The following GALNT16 variants were observed in gnomAD, a reference collection of about 807,000 sequenced individuals.
GALNT16 encodes the protein polypeptide N-acetylgalactosaminyltransferase 16, also known as UDP-GalNAc:polypeptide N-acetylgalactosaminyltransferase-like protein 1.
GALNT16 carries 40 observed loss-of-function variants against 76.1 expected under a neutral mutation model. That is an observed-to-expected ratio of 0.53 (90% confidence interval 0.41 to 0.68). The LOEUF (loss-of-function observed/expected upper bound fraction) is 0.68. Among genes scored for constraint, GALNT16 ranks in the 30% least tolerant of loss-of-function variants. The pLI is 0.00. For missense variants in GALNT16, 621 were observed against 731.9 expected (o/e 0.85, Z 1.75); for synonymous variants, 276 against 285.2 (o/e 0.97, Z 0.32).
At chr14:69,366,301 T>C in the GALNT16 span, among the ~76,000 whole-genome samples, 1 of 152,068 alleles carries the variant, frequency 6.6e-6, no homozygotes, top group Admixed American at 6.6e-5. Context: ...CCTCCCTACC[T>C]ATCCAGTTGC....
chr14:69,341,171 T>G lies in GALNT16; in HGVS notation c.1188-510T>G, dbSNP rs75823089. 5.4e-3 allele frequency among the ~76,000 whole-genome samples: 823 copies of G among 152,268 alleles called. 8 individuals carry two copies. The highest frequency in any genetic ancestry group is 0.019 in the African/African-American group (778 of 41,534). ...AATGTAGAGGAAACTGAGGCTCAGA[T>G]AGCTGGTGACGAGGGCCGTCAACCA... On this transcript the variant is annotated intron_variant, in intron 11 of 14. Coordinates refer to ENST00000448469, the MANE Select transcript of GALNT16 (RefSeq NM_001168368.2).
chr14:69,320,227 G>A (rs2045157683), intron 1 of GALNT16, among the ~76,000 whole-genome samples: 2 of 152,244 alleles, frequency 1.3e-5, no homozygotes, highest in African/African-American at 4.8e-5. Context: ...GGGCGCGGTG[G>A]CGCATGCCTG....
intron 2 of GALNT16, among the ~76,000 whole-genome samples, chr14:69,321,388 A>C (rs993177195): frequency 6.6e-6 from 1 of 151,986 alleles, no homozygotes; most frequent in Middle Eastern, 3.4e-3. Flanking sequence ...GGAAGCCTCC[A>C]CTCTCATCCC....
the GALNT16 span, among the ~76,000 whole-genome samples, chr14:69,374,539 T>C: frequency 6.6e-6 from 1 of 152,168 alleles, no homozygotes; most frequent in African/African-American, 2.4e-5. Context: ...ACCTGGAAGT[T>C]TGTTAAAATT....
the GALNT16 span, among the ~76,000 whole-genome samples, chr14:69,363,219 G>T: frequency 6.6e-6 from 1 of 152,170 alleles, no homozygotes; most frequent in Non-Finnish European, 1.5e-5. Flanking sequence ...TGTGGGGGCC[G>T]TAGAGCACGC....
At position 69,324,784 on chromosome 14, in the gene GALNT16, T is replaced by C. The variant is rs1482847803; in HGVS notation, c.428T>C (p.Val143Ala). The change falls in exon 3 of 15, where the codon GTG becomes GCG. Residue 143 changes from valine (V) to alanine (A), a missense_variant. Coordinates refer to ENST00000448469, the MANE Select transcript of GALNT16 (RefSeq NM_001168368.2). ...GCCCGTTCCACCCTGCTGCGCACAG[T>C]GAAGAGGTAAGTCCAGCCATGGGAC... ...NEARSTLLRT[V>A]KSVLNRTPAN... 6.2e-7 allele frequency: 1 copy of C among 1,602,274 alleles called. No homozygotes were observed. Among genetic ancestry groups the C allele is most frequent in the South Asian group, 1.1e-5 (1 of 89,690 alleles).
intron 1 of GALNT16, among the ~76,000 whole-genome samples, chr14:69,305,523 T>G (rs2044920705): frequency 6.6e-6 from 1 of 152,164 alleles, no homozygotes. Flanking sequence ...ATATTGAGCA[T>G]TTTTTCATAT....
rs543999586 is a variant in GALNT16 at position 69,352,969 on chromosome 14, C to T, written c.*801C>T. 4.6e-5 allele frequency among the ~76,000 whole-genome samples: 7 copies of T among 152,202 alleles called. No homozygotes were observed. The highest frequency in any genetic ancestry group is 2.1e-4 in the South Asian group (1 of 4,816). On this transcript the variant is annotated 3_prime_UTR_variant, in exon 15 of 15. Transcript: ENST00000448469. ...AGGGATCTTTAGGGGAAGATTCGGG[C>T]GTAGTTTATTAAACAGACTCCACTT...
rs28709566 is a variant in GALNT16 at position 69,263,901 on chromosome 14, C to T, written c.177+3434C>T. Among the ~76,000 whole-genome samples, 813 of 152,282 alleles carry T rather than the reference C, an allele frequency of 5.3e-3. 6 individuals are homozygous for T. The highest frequency in any genetic ancestry group is 0.018 in the African/African-American group (761 of 41,550). The stretch of plus-strand genomic sequence containing the variant: ...TTTTTCCATGCTGTACCCGATGCAG[C>T]GAGGCAGTAGATTTGGGGACATCCC... On this transcript the variant is annotated intron_variant, in intron 1 of 14. Transcript: ENST00000448469.
chr14:69,269,202 T>C (rs931358029), intron 1 of GALNT16, among the ~76,000 whole-genome samples: 1 of 152,156 alleles, frequency 6.6e-6, no homozygotes, highest in Non-Finnish European at 1.5e-5. Flanking sequence ...GAGGTAAGTG[T>C]AGGTTCGTTG....
At chr14:69,290,297 C>T (rs2044672922) in intron 1 of GALNT16, among the ~76,000 whole-genome samples, 1 of 152,138 alleles carries the variant, frequency 6.6e-6, no homozygotes, top group Non-Finnish European at 1.5e-5. Flanking sequence ...TATGGTGTTC[C>T]CAGGAGAAGG....
intron 1 of GALNT16, among the ~76,000 whole-genome samples, chr14:69,264,049 T>C (rs952238792): frequency 1.3e-5 from 2 of 152,194 alleles, no homozygotes; most frequent in African/African-American, 4.8e-5. Flanking sequence ...TTGTTTTGGT[T>C]TGGGACTTAG....
chr14:69,274,490 G>A (rs1021677529), intron 1 of GALNT16, among the ~76,000 whole-genome samples: 1 of 152,160 alleles, frequency 6.6e-6, no homozygotes, highest in Non-Finnish European at 1.5e-5. Context: ...AGGACTGAAG[G>A]TGTTTCTCTC....
intron 1 of GALNT16, among the ~76,000 whole-genome samples, chr14:69,296,779 TGATAG>T (rs766974423): frequency 0.02 from 2,879 of 141,328 alleles, 39 homozygotes; most frequent in East Asian, 0.033. Flanking sequence ...GACAGATAGA[TGATAG>T]AGATAGACAG....
the GALNT16 span, among the ~76,000 whole-genome samples, chr14:69,386,127 C>A: frequency 6.6e-6 from 1 of 152,134 alleles, no homozygotes; most frequent in Admixed American, 6.5e-5. Context: ...AACCGGAACA[C>A]AATGAAGAGG....
intron 1 of GALNT16, 107 bp downstream of exon 1, chr14:69,260,574 T>C: frequency 1.4e-6 from 1 of 731,542 alleles, no homozygotes; most frequent in African/African-American, 1.9e-5. Context: ...GAGTGCCCGC[T>C]GCGCCGGGCC....
intron 1 of GALNT16, among the ~76,000 whole-genome samples, chr14:69,281,556 T>G (rs2044541664): frequency 6.6e-6 from 1 of 152,182 alleles, no homozygotes; most frequent in Admixed American, 6.5e-5. Context: ...CTCCCCGCTT[T>G]CAATGTTCTG....
chr14:69,292,234 A>T (rs116518592), intron 1 of GALNT16, among the ~76,000 whole-genome samples: 1,995 of 152,372 alleles, frequency 0.013, 46 homozygotes, highest in African/African-American at 0.046. Flanking sequence ...AAGGCCACAC[A>T]GCTAGTGAGT....
chr14:69,339,933 G>A (rs1327548806), intron 11 of GALNT16, among the ~76,000 whole-genome samples: 1 of 152,216 alleles, frequency 6.6e-6, no homozygotes, highest in Non-Finnish European at 1.5e-5. Flanking sequence ...AGCATTTGGG[G>A]TTCTGCCTCC....
Sources: gnomAD v4.1 joint callset for allele counts (sites outside exome capture counted in the v4.1 genomes callset) on GRCh38, gnomAD v4.1.1 for gene constraint, MANE v1.5 for transcripts, NCBI Gene and HGNC (gene_info 2026-07-23, HGNC 2026-07-21) for gene names.